TCERG1L: variants seen among roughly 807,000 people sequenced by gnomAD.
TCERG1L encodes the protein transcription elongation regulator 1-like protein.
In TCERG1L, 37 loss-of-function variants were observed where a neutral mutation model predicts 56.3. The observed-to-expected ratio is 0.66, with a 90% confidence interval of 0.51 to 0.87. The LOEUF (loss-of-function observed/expected upper bound fraction) is 0.87, where lower values mean the gene tolerates loss of function less well. TCERG1L is among the 40% of genes least tolerant of loss of function. TCERG1L has a pLI of 0.00. For synonymous variants in TCERG1L, 324 were observed against 326.3 expected (o/e 0.99, Z 0.08); for missense variants, 799 against 774.2 (o/e 1.03, Z -0.38).
At chr10:131,166,486 T>A (rs1846031629) in intron 5 of TCERG1L, among the ~76,000 whole-genome samples, 1 of 152,244 alleles carries the variant, frequency 6.6e-6, no homozygotes, top group African/African-American at 2.4e-5. Flanking sequence ...CTAAGTGGTG[T>A]CTGAGTTTGA....
intron 4 of TCERG1L, among the ~76,000 whole-genome samples, chr10:131,248,053 T>G (rs535371269): frequency 2.0e-5 from 3 of 148,766 alleles, no homozygotes; most frequent in Non-Finnish European, 4.4e-5. Flanking sequence ...ACATTGTAAA[T>G]TCACACCCAC....
chr10:131,147,789 G>A (rs944689585), intron 6 of TCERG1L, among the ~76,000 whole-genome samples: 2 of 152,252 alleles, frequency 1.3e-5, no homozygotes, highest in African/African-American at 2.4e-5. Flanking sequence ...GGGTACTGTC[G>A]GGCACGGCCT....
At position 131,276,663 on chromosome 10, in the gene TCERG1L, T is replaced by C. The variant is rs1846396753; in HGVS notation, c.671-16219A>G. On this transcript the variant is annotated intron_variant, in intron 3 of 11. Transcript: ENST00000368642. ...TGCTTTGCTGAGTCTATCTTGGTTA[T>C]GAAATTAAGATGATTAAATGCCTCA... 3.3e-5 allele frequency among the ~76,000 whole-genome samples: 5 copies of C among 152,300 alleles called. No homozygotes were observed. In the South Asian group the frequency reaches 1.0e-3, roughly 32 times the overall value.
At chr10:131,094,559 C>G (rs1845221386) in intron 11 of TCERG1L, among the ~76,000 whole-genome samples, 2 of 152,174 alleles carry the variant, frequency 1.3e-5, no homozygotes, top group African/African-American at 4.8e-5. Flanking sequence ...CTGCCGTTTT[C>G]CTGCTCTCCG....
intron 10 of TCERG1L, among the ~76,000 whole-genome samples, chr10:131,101,832 C>T (rs952344619): frequency 1.3e-5 from 2 of 152,108 alleles, no homozygotes; most frequent in Non-Finnish European, 2.9e-5. Context: ...TCCTGAGTAA[C>T]TGGGATTACA....
intron 4 of TCERG1L, among the ~76,000 whole-genome samples, chr10:131,227,194 T>C (rs1332184313): frequency 2.0e-5 from 3 of 152,342 alleles, no homozygotes; most frequent in South Asian, 2.1e-4. Context: ...TCAGCCACCA[T>C]TGGAAGTGAC....
chr10:131,276,723 T>G (rs143226623), intron 3 of TCERG1L, among the ~76,000 whole-genome samples: 364 of 152,326 alleles, frequency 2.4e-3, no homozygotes, highest in Non-Finnish European at 4.3e-3. Flanking sequence ...CTACACCACC[T>G]GCCAGGGTGG....
At chr10:131,265,671 T>C (rs573785910) in intron 3 of TCERG1L, among the ~76,000 whole-genome samples, 5 of 152,380 alleles carry the variant, frequency 3.3e-5, no homozygotes, top group Middle Eastern at 3.4e-3. Flanking sequence ...TACACTATAG[T>C]GTAGTCTGTT....
intron 3 of TCERG1L, among the ~76,000 whole-genome samples, chr10:131,294,777 G>C (rs1275331374): frequency 6.6e-6 from 1 of 151,044 alleles, no homozygotes; most frequent in Non-Finnish European, 1.5e-5. Context: ...TTTTTCTTTG[G>C]TTTTATTCAA....
At chr10:131,258,200 C>T (rs1846194156) in intron 4 of TCERG1L, among the ~76,000 whole-genome samples, 2 of 152,224 alleles carry the variant, frequency 1.3e-5, no homozygotes, top group South Asian at 4.1e-4. Context: ...GCTGAGACTG[C>T]CCATCAGCAG....
chr10:131,222,099 G>A (rs1035360258), intron 4 of TCERG1L, among the ~76,000 whole-genome samples: 2 of 152,232 alleles, frequency 1.3e-5, no homozygotes, highest in Non-Finnish European at 2.9e-5. Context: ...CCTCAGTCTA[G>A]CAAGCCAGTG....
At chr10:131,278,338 CTTTT>C (rs755934156) in intron 3 of TCERG1L, among the ~76,000 whole-genome samples, 2 of 137,070 alleles carry the variant, frequency 1.5e-5, no homozygotes, top group African/African-American at 2.6e-5. Flanking sequence ...TTTCTTTTTT[CTTTT>C]TTTTTTTTTT....
At chr10:131,259,351 C>G (rs1846209074) in intron 4 of TCERG1L, among the ~76,000 whole-genome samples, 1 of 152,154 alleles carries the variant, frequency 6.6e-6, no homozygotes, top group African/African-American at 2.4e-5. Flanking sequence ...ATACAATCTT[C>G]CATGGAATTT....
intron 7 of TCERG1L, among the ~76,000 whole-genome samples, chr10:131,142,797 CA>C (rs757618741): frequency 2.6e-5 from 4 of 152,220 alleles, no homozygotes; most frequent in Non-Finnish European, 5.9e-5. Context: ...TCATGCCCCC[CA>C]CCATTCCCAA....
At chr10:131,133,887 C>T (rs1845646793) in intron 8 of TCERG1L, among the ~76,000 whole-genome samples, 1 of 152,232 alleles carries the variant, frequency 6.6e-6, no homozygotes, top group Non-Finnish European at 1.5e-5. Context: ...TCATCTCCTC[C>T]ACCTGTCCCA....
At chr10:131,140,006 A>G (rs1216589106) in intron 7 of TCERG1L, among the ~76,000 whole-genome samples, 1 of 152,062 alleles carries the variant, frequency 6.6e-6, no homozygotes, top group Non-Finnish European at 1.5e-5. Context: ...AATATACCTA[A>G]TTTTGTCAGT....
intron 6 of TCERG1L, among the ~76,000 whole-genome samples, chr10:131,159,262 C>A (rs2133427375): frequency 6.6e-6 from 1 of 152,306 alleles, no homozygotes; most frequent in South Asian, 2.1e-4. Context: ...GGCTTGACCT[C>A]TCCGTCTAAG....
At chr10:131,196,054 C>T (rs192488078) in intron 4 of TCERG1L, among the ~76,000 whole-genome samples, 1 of 152,338 alleles carries the variant, frequency 6.6e-6, no homozygotes, top group East Asian at 1.9e-4. Flanking sequence ...GTGAGTACCC[C>T]CATTGCCAGC....
At chr10:131,253,427 C>G (rs1354572937) in intron 4 of TCERG1L, among the ~76,000 whole-genome samples, 1 of 152,124 alleles carries the variant, frequency 6.6e-6, no homozygotes, top group Admixed American at 6.6e-5. Flanking sequence ...AGTCCACAGG[C>G]CTTTCAGCTT....
Sources: gnomAD v4.1 joint callset for allele counts (sites outside exome capture counted in the v4.1 genomes callset) on GRCh38, gnomAD v4.1.1 for gene constraint, MANE v1.5 for transcripts, NCBI Gene and HGNC (gene_info 2026-07-23, HGNC 2026-07-21) for gene names.